The following MYL1 variants were observed in gnomAD, a reference collection of about 807,000 sequenced individuals.
MYL1 encodes myosin light chain 1.
A neutral mutation model predicts 21.8 loss-of-function variants in MYL1; 16 were observed. The ratio of observed to expected loss-of-function variants is 0.74; its 90% CI spans 0.50 to 1.12. The LOEUF is 1.12. MYL1 is among the 50% of genes most tolerant of loss of function. MYL1 has a pLI of 0.00. For synonymous variants in MYL1, 99 were observed against 85.2 expected (o/e 1.16, Z -0.89); for missense variants, 246 against 241.0 (o/e 1.02, Z -0.14).
At chr2:210,312,691 T>G (rs1009217872) in intron 1 of MYL1, among the ~76,000 whole-genome samples, 33 of 151,966 alleles carry the variant, frequency 2.2e-4, no homozygotes, top group Admixed American at 1.9e-3. Context: ...TTTTTTTCTC[T>G]GTTGCAAATG....
chr2:210,314,462 A>G (rs550310797), intron 1 of MYL1, among the ~76,000 whole-genome samples: 11 of 152,300 alleles, frequency 7.2e-5, no homozygotes, highest in Non-Finnish European at 1.5e-4. Flanking sequence ...TCAAATACAT[A>G]AAGGACAACC....
chr2:210,314,967 G>C lies in MYL1; in HGVS notation c.76C>G (p.Pro26Ala). Residue 26 changes from proline to alanine, a missense_variant, in exon 1 of 7, where the codon CCT becomes GCT. By Grantham distance (27) the Pro-to-Ala change is conservative. Transcript: ENST00000352451. ...AAPAPAPAPAPAPAPAKPKEE... is the reference protein window; with the variant it reads ...AAPAPAPAPAAAPAPAKPKEE... ...TTGGGTTTGGCTGGGGCAGGGGCAG[G>C]TGCAGGTGCCGGTGCCGGGGCTGGG... is the stretch of plus-strand genomic sequence containing the variant. The C allele has an allele frequency of 6.2e-7, 1 of 1,613,002 alleles. No individual in the cohort carries two copies. The highest frequency in any genetic ancestry group is 8.5e-7 in the Non-Finnish European group (1 of 1,179,308).
intron 3 of MYL1, among the ~76,000 whole-genome samples, chr2:210,297,508 A>G (rs1290038253): frequency 6.9e-6 from 1 of 144,210 alleles, no homozygotes; most frequent in Non-Finnish European, 1.5e-5. Context: ...TTTTTATTGG[A>G]TTATTCGTGG....
chr2:210,293,623 A>G (rs1034925140), intron 5 of MYL1, 100 bp downstream of exon 5: 6 of 882,684 alleles, frequency 6.8e-6, no homozygotes, highest in Non-Finnish European at 1.1e-5. Context: ...TGTCATATGT[A>G]TGTCAATAAG....
intron 2 of MYL1, among the ~76,000 whole-genome samples, chr2:210,301,624 C>A (rs1270141820): frequency 6.6e-6 from 1 of 151,948 alleles, no homozygotes; most frequent in East Asian, 1.9e-4. Context: ...ATTTGTGTCT[C>A]AGTTCACTTA....
chr2:210,302,315 G>A (rs1233696094), intron 2 of MYL1, among the ~76,000 whole-genome samples, 173 bp downstream of exon 2: 1 of 152,142 alleles, frequency 6.6e-6, no homozygotes, highest in African/African-American at 2.4e-5. Context: ...GTATCAGCAA[G>A]GGTTTCAGAT....
At chr2:210,293,672 C>T (rs756741010) in intron 5 of MYL1, 51 bp downstream of exon 5, 1 of 1,494,030 alleles carries the variant, frequency 6.7e-7, no homozygotes, top group South Asian at 1.2e-5. Context: ...AGCCCATCAT[C>T]AATCTGATCA....
At chr2:210,305,905 A>G (rs1575706257) in intron 1 of MYL1, among the ~76,000 whole-genome samples, 1 of 151,856 alleles carries the variant, frequency 6.6e-6, no homozygotes. Flanking sequence ...TACTAAAAAT[A>G]CAAAATTAGC....
At chr2:210,313,192 T>C (rs1690442164) in intron 1 of MYL1, among the ~76,000 whole-genome samples, 1 of 151,994 alleles carries the variant, frequency 6.6e-6, no homozygotes, top group Admixed American at 6.5e-5. Context: ...CTGTTTTCAT[T>C]AGTTAGATAC....
rs188575617 is a variant in MYL1 at position 210,294,928 on chromosome 2, G to C, written c.305-510C>G. Among the ~76,000 whole-genome samples the C allele has an allele frequency of 3.4e-3, 520 of 152,164 alleles. 1 individual carries two copies. Among genetic ancestry groups the C allele is most frequent in the African/African-American group, 0.011 (460 of 41,512 alleles). ...AGTATATATTCCACCTTTGTCCCCA[G>C]CTTTTTGAGGGCCTTCCCGTTCTTT... On this transcript the variant is annotated intron_variant, in intron 3 of 6. Coordinates refer to ENST00000352451, the MANE Select transcript of MYL1 (RefSeq NM_079420.3).
chr2:210,311,365 C>A (rs1243072206), intron 1 of MYL1, among the ~76,000 whole-genome samples: 4 of 152,106 alleles, frequency 2.6e-5, no homozygotes, highest in Non-Finnish European at 5.9e-5. Context: ...CATTAGATTT[C>A]TACCTTACAT....
chr2:210,302,855 A>G (rs1169211660), intron 1 of MYL1: 1 of 1,522,322 alleles, frequency 6.6e-7, no homozygotes, highest in Non-Finnish European at 8.9e-7. Flanking sequence ...GCATTGACAG[A>G]AGAATGAGTG....
At chr2:210,301,656 A>G (rs2125741682) in intron 2 of MYL1, among the ~76,000 whole-genome samples, 1 of 152,176 alleles carries the variant, frequency 6.6e-6, no homozygotes, top group East Asian at 1.9e-4. Context: ...CTTTCACTCC[A>G]TAAAACATTC....
At chr2:210,291,185 G>A in intron 5 of MYL1, 111 bp from the exon 6 acceptor site, 1 of 835,410 alleles carries the variant, frequency 1.2e-6, no homozygotes, top group South Asian at 1.6e-5. Flanking sequence ...TGTAACAATA[G>A]TTTCTTTTCT....
At chr2:210,298,297 T>TTCTC in intron 3 of MYL1, 123 bp downstream of exon 3, 1 of 1,103,500 alleles carries the variant, frequency 9.1e-7, no homozygotes, top group Admixed American at 2.1e-5. Context: ...AAATCAATCT[T>TTCTC]TCTCTCTCTC....
chr2:210,293,587 T>TCGGA (rs1407937444), intron 5 of MYL1, 136 bp downstream of exon 5: 2 of 697,788 alleles, frequency 2.9e-6, no homozygotes, highest in Non-Finnish European at 2.5e-6. Flanking sequence ...GATCCTCACA[T>TCGGA]ATCTTTTTAG....
chr2:210,294,509 T>G, intron 3 of MYL1, 91 bp from the exon 4 acceptor site: 1 of 1,236,000 alleles, frequency 8.1e-7, no homozygotes, highest in Non-Finnish European at 1.1e-6. Context: ...CTAGGTTATC[T>G]GAAAAACCTT....
Position 210,293,724 on chromosome 2 carries a change from T to C in MYL1, c.555A>G (p.Glu185=). Residue 185 remains glutamate (E), a splice_region_variant and synonymous_variant, in exon 5 of 7, where the codon GAA becomes GAG. Coordinates refer to ENST00000352451, the MANE Select transcript of MYL1 (RefSeq NM_079420.3). The part of the protein sequence containing the change: ...QEDSNGCINY[E]AFVKHIMSI ...ACCACCAGTGAGCATTGATTCTACC[T>C]TCGTAGTTGATGCAGCCATTGGAGT... The C allele has an allele frequency of 6.2e-7, 1 of 1,613,804 alleles. No homozygotes were observed. Among genetic ancestry groups the C allele is most frequent in the African/African-American group, 1.3e-5 (1 of 75,040 alleles).
chr2:210,294,389 G>T lies in MYL1; in HGVS notation c.334C>A (p.Gln112Lys). Reference protein sequence around the residue: ...ELNAKKIEFEQFLPMMQAISN... With the variant: ...ELNAKKIEFEKFLPMMQAISN... Reference sequence around the variant, plus strand: ...ATGGCTTGCATCATAGGCAGAAATTGTTCAAACTCAATTTTCTTGGCATTC... The same window carrying T: ...ATGGCTTGCATCATAGGCAGAAATTTTTCAAACTCAATTTTCTTGGCATTC... The change falls in exon 4 of 7, where the codon CAA (glutamine) becomes AAA (lysine). Residue 112 changes from glutamine (Q) to lysine (K), a missense_variant. Coordinates refer to ENST00000352451, the MANE Select transcript of MYL1 (RefSeq NM_079420.3). The T allele has an allele frequency of 6.2e-7, 1 of 1,613,868 alleles. No homozygotes were observed. Among genetic ancestry groups the T allele is most frequent in the Non-Finnish European group, 8.5e-7 (1 of 1,179,850 alleles).
Sources: gnomAD v4.1 joint callset for allele counts (sites outside exome capture counted in the v4.1 genomes callset) on GRCh38, gnomAD v4.1.1 for gene constraint, MANE v1.5 for transcripts, NCBI Gene and HGNC (gene_info 2026-07-23, HGNC 2026-07-21) for gene names.